The following FRA10AC1 variants were observed in gnomAD, a reference collection of about 807,000 sequenced individuals.
FRA10AC1 encodes protein FRA10AC1.
FRA10AC1 carries 43 observed loss-of-function variants against 56.5 expected under a neutral mutation model. The observed-to-expected ratio is 0.76, with a 90% CI of 0.60 to 0.98. The LOEUF (loss-of-function observed/expected upper bound fraction) is 0.98, where lower values mean the gene tolerates loss of function less well. FRA10AC1 is among the 50% of genes least tolerant of loss of function. The pLI is 0.00. For synonymous variants in FRA10AC1, 112 were observed against 110.5 expected (o/e 1.01, Z -0.09); for missense variants, 346 against 351.8 (o/e 0.98, Z 0.13).
At chr10:93,689,739 A>C (rs11187588) in intron 7 of FRA10AC1, among the ~76,000 whole-genome samples, 60,547 of 152,070 alleles carry the variant, frequency 0.4, 14,511 homozygotes, top group Non-Finnish European at 0.52. Context: ...TTCCTGACAT[A>C]AATGTCCTAG....
At chr10:93,679,594 G>C (rs1223115940) in intron 11 of FRA10AC1, among the ~76,000 whole-genome samples, 1 of 152,158 alleles carries the variant, frequency 6.6e-6, no homozygotes, top group Admixed American at 6.6e-5. Context: ...GGCTACATGG[G>C]GGGAGTGTGA....
At chr10:93,679,209 A>G (rs945419894) in intron 11 of FRA10AC1, among the ~76,000 whole-genome samples, 1 of 152,136 alleles carries the variant, frequency 6.6e-6, no homozygotes, top group Non-Finnish European at 1.5e-5. Context: ...TCTCAATTCC[A>G]CCTTGCTTTG....
intron 7 of FRA10AC1, among the ~76,000 whole-genome samples, chr10:93,688,278 T>G (rs1236975873): frequency 6.6e-6 from 1 of 152,134 alleles, no homozygotes; most frequent in Non-Finnish European, 1.5e-5. Context: ...ATATATGATT[T>G]CAACTGTATG....
chr10:93,697,019 T>C (rs1201778006), intron 4 of FRA10AC1, among the ~76,000 whole-genome samples: 2 of 152,016 alleles, frequency 1.3e-5, no homozygotes, highest in Admixed American at 6.6e-5. Context: ...GTATACCCTA[T>C]GTAACAATCC....
chr10:93,698,287 C>A lies in FRA10AC1; in HGVS notation c.173+14G>T. On this transcript the variant is annotated intron_variant, in intron 3 of 13. Transcript: ENST00000359204. ...CTTAAACCAAGAAATAGAATTGACA[C>A]TGAAATACCATACCTATCCAGCAAT... 6.3e-7 allele frequency: 1 copy of A among 1,579,202 alleles called. No homozygotes were observed. Among genetic ancestry groups the A allele is most frequent in the Non-Finnish European group, 8.7e-7 (1 of 1,150,026 alleles).
chr10:93,681,485 T>C lies in FRA10AC1; in HGVS notation c.782A>G (p.Asp261Gly), dbSNP rs147872799. 5.8e-6 allele frequency: 9 copies of C among 1,554,866 alleles called. No homozygotes were observed. In the African/African-American group the frequency reaches 7.0e-5, roughly 12 times the overall value. The change falls in exon 11 of 14, where the codon GAT (aspartate) becomes GGT (glycine). Residue 261 changes from aspartate (D) to glycine (G), a missense_variant. Coordinates refer to ENST00000359204, the MANE Select transcript of FRA10AC1 (RefSeq NM_145246.5). ...SSAEEASKKKDKGHSSSKKSE... is the reference protein window; with the variant it reads ...SSAEEASKKKGKGHSSSKKSE... ...TTATCTTAATTTCCTTTTACCTTTA[T>C]CTTTTTTCTTGGAGGCCTCTTCTGC...
intron 5 of FRA10AC1, among the ~76,000 whole-genome samples, chr10:93,693,958 GACT>G (rs925030823): frequency 6.6e-5 from 10 of 151,856 alleles, no homozygotes; most frequent in African/African-American, 2.4e-4. Context: ...AGGGATAAAA[GACT>G]ACATTTTAGG....
At position 93,669,968 on chromosome 10, in the gene FRA10AC1, A is replaced by T. The variant is rs529066837; in HGVS notation, c.906-100T>A. Reference sequence around the variant, plus strand: ...TAAAAATAAAATACTTTAAGTCAACATATTGGCTGATTCTGCTATATATCA... The same window carrying T: ...TAAAAATAAAATACTTTAAGTCAACTTATTGGCTGATTCTGCTATATATCA... On this transcript the variant is annotated intron_variant, in intron 13 of 13. Coordinates refer to ENST00000359204, the MANE Select transcript of FRA10AC1 (RefSeq NM_145246.5). 8.4e-5 allele frequency: 52 copies of T among 619,884 alleles called. 1 individual carries two copies. The Admixed American group carries it at 1.4e-3, about 16-fold the overall frequency. The allele number at this position is 619,884 out of a possible 1,614,324, so 38.4% of individuals were successfully genotyped here.
chr10:93,685,555 T>A, intron 8 of FRA10AC1, 196 bp from the exon 9 acceptor site: 1 of 403,410 alleles, frequency 2.5e-6, no homozygotes, highest in South Asian at 4.4e-5. Context: ...AAAAAATCAG[T>A]CACAGAATTC....
At chr10:93,671,944 G>C (rs1403704332) in intron 12 of FRA10AC1, 6 of 397,842 alleles carry the variant, frequency 1.5e-5, no homozygotes, top group Non-Finnish European at 2.9e-5. Context: ...TTTTATTAAA[G>C]ATGACAAAAT....
chr10:93,672,025 A>G (rs2058770852), intron 12 of FRA10AC1: 2 of 445,222 alleles, frequency 4.5e-6, no homozygotes, highest in Non-Finnish European at 4.5e-6. Flanking sequence ...TTATCAGACA[A>G]TAACACTATA....
Position 93,694,874 on chromosome 10 carries a change from A to G in FRA10AC1, c.283T>C (p.Phe95Leu). ...CCTGATACTTACCCCAAACGCTTGAAGTCTTCTTTTTTGCCACCATAGTAT... is the reference window on the plus strand; with the variant it reads ...CCTGATACTTACCCCAAACGCTTGAGGTCTTCTTTTTTGCCACCATAGTAT... The part of the protein sequence containing the change: ...ILYYGGKKED[F>L]KRLGENDKTD... The change falls in exon 5 of 14, where the codon TTC (phenylalanine) becomes CTC (leucine). Residue 95 changes from phenylalanine to leucine, a missense_variant. By Grantham distance (22) the Phe-to-Leu change is conservative. Transcript: ENST00000359204. 6.3e-7 allele frequency: 1 copy of G among 1,586,828 alleles called. No individual in the cohort carries two copies. Among genetic ancestry groups the G allele is most frequent in the Non-Finnish European group, 8.7e-7 (1 of 1,155,184 alleles).
At chr10:93,694,994 A>G (rs571030142) in intron 4 of FRA10AC1, 57 bp from the exon 5 acceptor site, 29 of 876,230 alleles carry the variant, frequency 3.3e-5, no homozygotes, top group Non-Finnish European at 4.5e-5. Flanking sequence ...GTGTCATAAT[A>G]TATTGCTGAT....
At chr10:93,698,500 A>C (rs2059273244) in intron 2 of FRA10AC1, 104 bp from the exon 3 acceptor site, 1 of 623,312 alleles carries the variant, frequency 1.6e-6, no homozygotes, top group South Asian at 2.6e-5. Flanking sequence ...GTAAGTCTTA[A>C]CTTTAAGAAG....
At position 93,673,237 on chromosome 10, in the gene FRA10AC1, T is replaced by C. The variant is rs764058247; in HGVS notation, c.827-2389A>G. ...TTTGGGCAGTTCTGCCAACCCAGAGTCATAAAAAATAAGTCTCCTACATAG... is the reference window on the plus strand; with the variant it reads ...TTTGGGCAGTTCTGCCAACCCAGAGCCATAAAAAATAAGTCTCCTACATAG... On this transcript the variant is annotated intron_variant, in intron 12 of 13. Transcript: ENST00000359204. The C allele has an allele frequency of 4.5e-4, 197 of 434,558 alleles. 2 individuals carry two copies. Among genetic ancestry groups the C allele is most frequent in the Admixed American group, 1.1e-3 (42 of 37,390 alleles). The allele number at this position is 434,558 out of a possible 1,614,324, so 26.9% of individuals were successfully genotyped here. A position where few individuals can be genotyped will look rare whatever the true frequency, so the allele number is the denominator to read the frequency against.
chr10:93,678,379 A>G lies in FRA10AC1; in HGVS notation c.788-1688T>C, dbSNP rs1043223565. Among the ~76,000 whole-genome samples the G allele has an allele frequency of 2.0e-5, 3 of 152,276 alleles. No individual in the cohort carries two copies. In the East Asian group the frequency reaches 5.8e-4, roughly 29 times the overall value. On this transcript the variant is annotated intron_variant, in intron 11 of 13. Transcript: ENST00000359204. ...ATTCATTCAGCTATCTAGTTCATCC[A>G]TCTATTACTTATTTAACATTTTCTA...
At chr10:93,683,702 T>G (rs1212991332) in intron 10 of FRA10AC1, among the ~76,000 whole-genome samples, 4 of 152,190 alleles carry the variant, frequency 2.6e-5, no homozygotes, top group African/African-American at 9.6e-5. Flanking sequence ...TTTGTAAGAA[T>G]GGCAAACTCC....
intron 6 of FRA10AC1, 95 bp downstream of exon 6, chr10:93,692,551 T>C: frequency 1.3e-6 from 1 of 756,022 alleles, no homozygotes; most frequent in Non-Finnish European, 2.3e-6. Flanking sequence ...AACTGTTCTA[T>C]GAAGGGGCTG....
chr10:93,681,476 T>C lies in FRA10AC1; in HGVS notation c.787+4A>G. ...GTAGATGCCTTATCTTAATTTCCTT[T>C]TACCTTTATCTTTTTTCTTGGAGGC... On this transcript the variant is annotated splice_donor_region_variant and intron_variant, in intron 11 of 13. Coordinates refer to ENST00000359204, the MANE Select transcript of FRA10AC1 (RefSeq NM_145246.5). 6.5e-7 allele frequency: 1 copy of C among 1,539,124 alleles called. No individual in the cohort carries two copies. Among genetic ancestry groups the C allele is most frequent in the Non-Finnish European group, 8.8e-7 (1 of 1,136,530 alleles).
Sources: allele counts gnomAD v4.1 joint callset (sites outside exome capture counted in the v4.1 genomes callset), GRCh38; gene constraint gnomAD v4.1.1; transcripts MANE v1.5; gene names NCBI Gene and HGNC (gene_info 2026-07-23, HGNC 2026-07-21).